Variants in LAMA2 observed in about 807,000 individuals in gnomAD.
LAMA2 encodes the protein laminin subunit alpha-2.
Under a neutral mutation model 364.8 loss-of-function variants are expected in LAMA2, and 269 were observed. The ratio of observed to expected loss-of-function variants is 0.74; its 90% CI spans 0.67 to 0.82. The LOEUF is 0.82. LAMA2 is among the 40% of genes least tolerant of loss of function. LAMA2 has a pLI of 0.00. For missense variants in LAMA2, 3,807 were observed against 3,873.2 expected (o/e 0.98, Z 0.45); for synonymous variants, 1,379 against 1,370.6 (o/e 1.01, Z -0.14).
chr6:129,152,392 G>A (rs754596389), intron 7 of LAMA2, among the ~76,000 whole-genome samples: 3 of 152,156 alleles, frequency 2.0e-5, no homozygotes, highest in Non-Finnish European at 2.9e-5. Flanking sequence ...AGCGTTCCTG[G>A]AGGGGAATTT....
chr6:128,923,066 A>G (rs1352419549), intron 1 of LAMA2, among the ~76,000 whole-genome samples: 292 of 147,264 alleles, frequency 2.0e-3, no homozygotes, highest in African/African-American at 7.1e-3. Flanking sequence ...CCATTGATCT[A>G]TATCTCTGTT....
At chr6:129,365,321 TAAG>T (rs963073426) in intron 32 of LAMA2, among the ~76,000 whole-genome samples, 3 of 152,208 alleles carry the variant, frequency 2.0e-5, no homozygotes, top group Non-Finnish European at 2.9e-5. Context: ...AATATTATCA[TAAG>T]AAAACACTAT....
At chr6:128,929,020 T>C in intron 1 of LAMA2, 1 of 1,404,610 alleles carries the variant, frequency 7.1e-7, no homozygotes, top group Non-Finnish European at 1.0e-6. Context: ...AGCCCATATA[T>C]GCATTCAAGA....
chr6:129,230,193 A>C (rs1784595059), intron 12 of LAMA2, among the ~76,000 whole-genome samples: 1 of 152,184 alleles, frequency 6.6e-6, no homozygotes, highest in African/African-American at 2.4e-5. Context: ...AAAAAGTAGA[A>C]GGAAAACCAC....
At chr6:129,238,401 C>T (rs1462604722) in intron 12 of LAMA2, among the ~76,000 whole-genome samples, 2 of 152,122 alleles carry the variant, frequency 1.3e-5, no homozygotes, top group East Asian at 1.9e-4. Context: ...TATTTTCATG[C>T]CCTTTTAGAC....
At chr6:128,989,888 C>T (rs1268739207) in intron 1 of LAMA2, among the ~76,000 whole-genome samples, 2 of 152,052 alleles carry the variant, frequency 1.3e-5, no homozygotes, top group Non-Finnish European at 2.9e-5. Context: ...ATAGACAGCA[C>T]GTTTTTTTTC....
chr6:129,440,257 G>A (rs993001933), intron 42 of LAMA2, among the ~76,000 whole-genome samples: 3 of 151,684 alleles, frequency 2.0e-5, no homozygotes, highest in Non-Finnish European at 4.4e-5. Context: ...TTAAAATCTC[G>A]GTGGTTTTTA....
At chr6:129,221,660 A>G (rs1383698721) in intron 12 of LAMA2, among the ~76,000 whole-genome samples, 2 of 151,036 alleles carry the variant, frequency 1.3e-5, no homozygotes, top group Non-Finnish European at 2.9e-5. Context: ...TAGTGCTAAT[A>G]TAAATTGGTT....
At chr6:129,413,655 C>T (rs374551364) in intron 40 of LAMA2, among the ~76,000 whole-genome samples, 1 of 152,066 alleles carries the variant, frequency 6.6e-6, no homozygotes, top group East Asian at 1.9e-4. Context: ...AAAAAACATA[C>T]TTCAAAGTAA....
intron 3 of LAMA2, among the ~76,000 whole-genome samples, chr6:129,070,008 T>C (rs781024017): frequency 4.4e-4 from 67 of 151,948 alleles, no homozygotes; most frequent in Non-Finnish European, 9.3e-4. Flanking sequence ...ATCTCTAAAA[T>C]ACAAACATGG....
intron 32 of LAMA2, among the ~76,000 whole-genome samples, chr6:129,361,651 G>A (rs1464921524): frequency 6.6e-6 from 1 of 152,148 alleles, no homozygotes; most frequent in East Asian, 1.9e-4. Context: ...AGCAGAAAGT[G>A]CAAATTTCAA....
intron 21 of LAMA2, among the ~76,000 whole-genome samples, chr6:129,298,858 A>T (rs1030335042): frequency 2.1e-5 from 3 of 143,422 alleles, no homozygotes; most frequent in African/African-American, 7.4e-5. Flanking sequence ...GTTATTCTAA[A>T]TGATAAGTTT....
At position 129,300,831 on chromosome 6, in the gene LAMA2, G is replaced by T. The variant is rs373373855; in HGVS notation, c.3133G>T (p.Ala1045Ser). 31 of 1,613,706 alleles carry T rather than the reference G, an allele frequency of 1.9e-5. No individual in the cohort carries two copies. Among genetic ancestry groups the T allele is most frequent in the Non-Finnish European group, 2.5e-5 (30 of 1,179,758 alleles). Residue 1045 changes from alanine to serine, a missense_variant, in exon 22 of 65, where the codon GCA (alanine) becomes TCA (serine). Transcript: ENST00000421865. ...CATTGGAGAGAAATGTTCTAAATGT[G>T]CACCCAATACCTGGGGCCACAGCAT... The part of the protein sequence containing the change: ...NTIGEKCSKC[A>S]PNTWGHSITT...
At chr6:129,430,860 T>C (rs1562557311) in intron 41 of LAMA2, among the ~76,000 whole-genome samples, 4 of 151,880 alleles carry the variant, frequency 2.6e-5, no homozygotes. Flanking sequence ...AATTAATTAA[T>C]TAATAATAAA....
intron 58 of LAMA2, among the ~76,000 whole-genome samples, chr6:129,497,135 T>TTTTA (rs1785249603): frequency 6.6e-6 from 1 of 152,242 alleles, no homozygotes; most frequent in South Asian, 2.1e-4. Flanking sequence ...TTCCAAACCC[T>TTTTA]TTTATTGGTT....
chr6:129,219,056 G>A (rs558182737), intron 12 of LAMA2, among the ~76,000 whole-genome samples: 267 of 152,216 alleles, frequency 1.8e-3, no homozygotes, highest in Non-Finnish European at 2.8e-3. Flanking sequence ...ATAATGTCCT[G>A]CAGTATATAT....
At chr6:129,251,081 TA>T (rs1562379384) in intron 13 of LAMA2, among the ~76,000 whole-genome samples, 1 of 39,932 alleles carries the variant, frequency 2.5e-5, no homozygotes, top group South Asian at 8.2e-4. Flanking sequence ...TCTCTCTATA[TA>T]TATATATATA....
intron 12 of LAMA2, among the ~76,000 whole-genome samples, chr6:129,228,602 T>C (rs1476582598): frequency 6.6e-6 from 1 of 152,228 alleles, no homozygotes; most frequent in Non-Finnish European, 1.5e-5. Flanking sequence ...AATATATTAG[T>C]ATCATAACAC....
chr6:129,440,776 C>A (rs73775406), intron 42 of LAMA2, 40 bp from the exon 43 acceptor site: 1 of 1,579,814 alleles, frequency 6.3e-7, no homozygotes, highest in East Asian at 2.2e-5. Context: ...ACTAACTCCA[C>A]ACCCTTTGTT....
Sources: gnomAD v4.1 joint callset for allele counts (sites outside exome capture counted in the v4.1 genomes callset) on GRCh38, gnomAD v4.1.1 for gene constraint, MANE v1.5 for transcripts, NCBI Gene and HGNC (gene_info 2026-07-23, HGNC 2026-07-21) for gene names.